The following AGPAT3 variants were observed in gnomAD, a reference collection of about 807,000 sequenced individuals.
AGPAT3 encodes 1-acylglycerol-3-phosphate O-acyltransferase 3.
AGPAT3 carries 5 observed loss-of-function variants against 47.3 expected under a neutral mutation model. The observed-to-expected ratio is 0.11, with a 90% CI of 0.06 to 0.22. AGPAT3 has a LOEUF of 0.22. AGPAT3 is among the 10% of genes least tolerant of loss of function. The pLI is 1.00. For synonymous variants in AGPAT3, 212 were observed against 208.3 expected (o/e 1.02, Z -0.15); for missense variants, 315 against 493.0 (o/e 0.64, Z 3.42).
Position 43,987,052 on chromosome 21 carries a change from T to G in AGPAT3, c.*4660T>G, listed in dbSNP as rs2030373926. 1.3e-5 allele frequency among the ~76,000 whole-genome samples: 2 copies of G among 152,188 alleles called. No homozygotes were observed. The highest frequency in any genetic ancestry group is 2.9e-5 in the Non-Finnish European group (2 of 68,020). ...CCTGCCCGAGCGCGAGTAGCTCTTG[T>G]GTAGTGGTGAAATGCTGCAGGCATC... On this transcript the variant is annotated 3_prime_UTR_variant, in exon 10 of 10. Coordinates refer to ENST00000291572, the MANE Select transcript of AGPAT3 (RefSeq NM_020132.5).
chr21:43,924,647 C>T (rs1384784545), intron 2 of AGPAT3, among the ~76,000 whole-genome samples: 1 of 152,270 alleles, frequency 6.6e-6, no homozygotes, highest in Non-Finnish European at 1.5e-5. Context: ...CCGGCCCCGG[C>T]TTCTGTCCTA....
Position 43,959,823 on chromosome 21 carries a change from C to T in AGPAT3, c.142C>T (p.Arg48Cys), listed in dbSNP as rs1280287663. The change falls in exon 3 of 10, where the codon CGC becomes TGC. Residue 48 changes from arginine to cysteine, a missense_variant. Physicochemically the swap from Arg to Cys is radical, Grantham distance 180. Transcript: ENST00000291572. ...GCCGGTCAGCAAGCAGCTCTACCGC[C>T]GCCTCAACTGCCGCCTCGCCTACTC... ...LWPVSKQLYR[R>C]LNCRLAYSLW... 16 of 1,611,930 alleles carry T rather than the reference C, an allele frequency of 9.9e-6. No homozygotes were observed. The highest frequency in any genetic ancestry group is 1.7e-5 in the Admixed American group (1 of 59,996).
rs577250629 is a variant in AGPAT3 at position 43,954,238 on chromosome 21, G to A, written c.-48-5396G>A. 4.1e-4 allele frequency among the ~76,000 whole-genome samples: 63 copies of A among 152,326 alleles called. No homozygotes were observed. The highest frequency in any genetic ancestry group is 1.5e-3 in the African/African-American group (61 of 41,588). ...TTCCTCACCGTCACCCTTCTGCAGG[G>A]AGGGAGGTGGCCTCTGCCTGCTGCC... On this transcript the variant is annotated intron_variant, in intron 2 of 9. Coordinates refer to ENST00000291572, the MANE Select transcript of AGPAT3 (RefSeq NM_020132.5). This position sits in a 1 kb window ranked among gnomAD's most constrained non-coding sequence, Gnocchi z 4.0.
At chr21:43,878,171 C>T (rs2123558624) in intron 1 of AGPAT3, among the ~76,000 whole-genome samples, 1 of 152,296 alleles carries the variant, frequency 6.6e-6, no homozygotes, top group South Asian at 2.1e-4. Flanking sequence ...TGCACCCCCA[C>T]ACCCGGTCTT....
rs772582301 is a variant in AGPAT3 at position 43,955,210 on chromosome 21, A to G, written c.-48-4424A>G. ...CGCTGGACCGGCTGGGCCAGATGCC[A>G]TGGGATTCTGTGTTTGTGAACCTCT... On this transcript the variant is annotated intron_variant, in intron 2 of 9. Transcript: ENST00000291572. This position sits in a 1 kb window ranked among gnomAD's most constrained non-coding sequence, Gnocchi z 4.1. 2.4e-6 allele frequency: 3 copies of G among 1,244,712 alleles called. No individual in the cohort carries two copies. Among genetic ancestry groups the G allele is most frequent in the East Asian group, 6.4e-5 (1 of 15,546 alleles). The allele number at this position is 1,244,712 out of a possible 1,614,324, so 77.1% of individuals were successfully genotyped here.
chr21:43,885,142 C>G (rs183305230), intron 1 of AGPAT3, among the ~76,000 whole-genome samples: 1 of 152,226 alleles, frequency 6.6e-6, no homozygotes, highest in Non-Finnish European at 1.5e-5. Context: ...GCGGCTAGAC[C>G]TCAAATGGCA....
intron 1 of AGPAT3, among the ~76,000 whole-genome samples, chr21:43,866,123 T>G (rs1046456840): frequency 2.7e-5 from 4 of 149,998 alleles, no homozygotes; most frequent in Admixed American, 6.6e-5. Flanking sequence ...GTGCAGTGTT[T>G]TTTTTTTTTT....
intron 3 of AGPAT3, among the ~76,000 whole-genome samples, chr21:43,961,254 C>G (rs2088820069): frequency 6.6e-6 from 1 of 151,986 alleles, no homozygotes; most frequent in South Asian, 2.1e-4. Context: ...ATTTCACACT[C>G]TCATGCTGTT....
rs2089847408 is a variant in AGPAT3 at position 43,981,428 on chromosome 21, C to T, written c.1042+241C>T. Reference sequence around the variant, plus strand: ...CACCTGGCGCCATCCCCACTGCAGCCCCACTGGCTGGCGCCCTTGAGGATG... The same window carrying T: ...CACCTGGCGCCATCCCCACTGCAGCTCCACTGGCTGGCGCCCTTGAGGATG... On this transcript the variant is annotated intron_variant, in intron 9 of 9. Transcript: ENST00000291572. This position sits in a 1 kb window ranked among gnomAD's most constrained non-coding sequence, Gnocchi z 5.3. The T allele has an allele frequency of 1.2e-5, 7 of 576,448 alleles. No individual in the cohort carries two copies. In the South Asian group the frequency reaches 1.4e-4, roughly 12 times the overall value. The allele number at this position is 576,448 out of a possible 1,614,324, so 35.7% of individuals were successfully genotyped here.
intron 1 of AGPAT3, among the ~76,000 whole-genome samples, chr21:43,893,635 C>G (rs116576706): frequency 1.8e-3 from 271 of 152,280 alleles, no homozygotes; most frequent in Middle Eastern, 6.8e-3. Context: ...GCAACTCATC[C>G]TTTTACTTGA....
At chr21:43,936,007 C>T (rs1601353043) in intron 2 of AGPAT3, among the ~76,000 whole-genome samples, 1 of 152,220 alleles carries the variant, frequency 6.6e-6, no homozygotes, top group Admixed American at 6.5e-5. Context: ...TGTTCCTAAG[C>T]AAGGCCTAGG....
intron 1 of AGPAT3, among the ~76,000 whole-genome samples, chr21:43,897,628 G>A (rs1405952172): frequency 2.7e-5 from 4 of 150,868 alleles, no homozygotes; most frequent in Admixed American, 6.6e-5. Context: ...CAGAGGGGGC[G>A]GCCGGGCAGA....
intron 3 of AGPAT3, 63 bp from the exon 4 acceptor site, chr21:43,967,883 C>A (rs559466626): frequency 6.5e-7 from 1 of 1,533,574 alleles, no homozygotes. Flanking sequence ...CTCCTGTGGG[C>A]GCTCCCTGAC....
In AGPAT3 at chr21:43,934,149, G is replaced by A. The variant is rs2087353827; in HGVS notation, c.-48-25485G>A. On this transcript the variant is annotated intron_variant, in intron 2 of 9. Coordinates refer to ENST00000291572, the MANE Select transcript of AGPAT3 (RefSeq NM_020132.5). This position sits in a 1 kb window ranked among gnomAD's most constrained non-coding sequence, Gnocchi z 4.7. ...GGAGAACAGGCAGACATGGGTGCCC[G>A]GCACGCCAGCTCCCCGAGCACCAGC... Among the ~76,000 whole-genome samples, 1 of 152,166 alleles carries A rather than the reference G, an allele frequency of 6.6e-6. No homozygotes were observed. The highest frequency in any genetic ancestry group is 2.4e-5 in the African/African-American group (1 of 41,448).
In AGPAT3 at chr21:43,868,625, C is replaced by T. The variant is rs184140185; in HGVS notation, c.-112+3280C>T. The stretch of plus-strand genomic sequence containing the variant: ...TACAAGGAAATACCTGTCCTGAGAT[C>T]GATTACTCACCCCTGACTGTCTGCC... On this transcript the variant is annotated intron_variant, in intron 1 of 9. Coordinates refer to ENST00000291572, the MANE Select transcript of AGPAT3 (RefSeq NM_020132.5). Among the ~76,000 whole-genome samples, 389 of 152,298 alleles carry T rather than the reference C, an allele frequency of 2.6e-3. 2 individuals are homozygous for T. The highest frequency in any genetic ancestry group is 4.1e-3 in the Non-Finnish European group (278 of 68,028).
At chr21:43,882,682 C>T (rs1184883409) in intron 1 of AGPAT3, 1 of 152,356 alleles carries the variant, frequency 6.6e-6, no homozygotes, top group African/African-American at 2.4e-5. Flanking sequence ...ATCACTGCAA[C>T]AGCAAACACC....
At chr21:43,963,273 C>A (rs2088963828) in intron 3 of AGPAT3, among the ~76,000 whole-genome samples, 1 of 152,174 alleles carries the variant, frequency 6.6e-6, no homozygotes, top group South Asian at 2.1e-4. Flanking sequence ...ACAGGAGAAG[C>A]CTCCTGGGAA....
At chr21:43,879,086 A>T (rs936123312) in intron 1 of AGPAT3, among the ~76,000 whole-genome samples, 2 of 152,110 alleles carry the variant, frequency 1.3e-5, no homozygotes, top group Admixed American at 1.3e-4. Context: ...GCAGTGTCTC[A>T]TGCCTGTAAT....
chr21:43,869,826 G>A (rs1028258039), intron 1 of AGPAT3, among the ~76,000 whole-genome samples: 1 of 152,192 alleles, frequency 6.6e-6, no homozygotes, highest in Non-Finnish European at 1.5e-5. Context: ...GCTTTCTCTG[G>A]CAGAGCTCCA....
Sources: gnomAD v4.1 joint callset for allele counts (sites outside exome capture counted in the v4.1 genomes callset) on GRCh38, gnomAD v4.1.1 for gene constraint, Gnocchi (gnomAD v3.1) non-coding constraint, MANE v1.5 for transcripts, NCBI Gene and HGNC (gene_info 2026-07-23, HGNC 2026-07-21) for gene names.